Variants in LRMDA observed in about 807,000 individuals in gnomAD.
The protein encoded by LRMDA is leucine rich melanocyte differentiation associated.
LRMDA carries 18 observed loss-of-function variants against 29.8 expected under a neutral mutation model. The ratio of observed to expected loss-of-function variants is 0.60; its 90% CI spans 0.42 to 0.90. LRMDA has a LOEUF of 0.90. Among genes scored for constraint, LRMDA ranks in the 40% least tolerant of loss-of-function variants. LRMDA has a pLI of 0.00. For missense variants in LRMDA, 273 were observed against 273.9 expected, an observed-to-expected ratio of 1.00 and a Z score of 0.02; for synonymous variants, 125 against 109.4, an observed-to-expected ratio of 1.14 and a Z score of -0.89.
chr10:76,418,711 T>C (rs1200993805), intron 6 of LRMDA, among the ~76,000 whole-genome samples: 2 of 152,074 alleles, frequency 1.3e-5, no homozygotes, highest in Non-Finnish European at 1.5e-5. Flanking sequence ...CAGCTTTTAA[T>C]TTTATTATGT....
chr10:76,187,316 T>C (rs1333676162), intron 5 of LRMDA, among the ~76,000 whole-genome samples: 1 of 152,200 alleles, frequency 6.6e-6, no homozygotes, highest in Non-Finnish European at 1.5e-5. Context: ...TCAGATTCTT[T>C]AAAAAGAATC....
intron 2 of LRMDA, among the ~76,000 whole-genome samples, chr10:75,704,509 T>C (rs1276438369): frequency 1.3e-5 from 2 of 152,212 alleles, no homozygotes; most frequent in East Asian, 3.9e-4. Context: ...AGGACCATTA[T>C]CCACCTCCCC....
chr10:76,156,370 C>T (rs759103893), intron 5 of LRMDA, among the ~76,000 whole-genome samples: 17 of 152,168 alleles, frequency 1.1e-4, no homozygotes, highest in Non-Finnish European at 1.9e-4. Context: ...TGAAAAAAAC[C>T]GACTGTTTTC....
At chr10:75,946,143 C>T (rs1306810125) in intron 2 of LRMDA, among the ~76,000 whole-genome samples, 1 of 152,212 alleles carries the variant, frequency 6.6e-6, no homozygotes, top group Non-Finnish European at 1.5e-5. Flanking sequence ...CATTACTGGA[C>T]TGCTTTTTTC....
At chr10:76,256,304 A>C (rs1852592210) in intron 5 of LRMDA, among the ~76,000 whole-genome samples, 1 of 152,198 alleles carries the variant, frequency 6.6e-6, no homozygotes. Flanking sequence ...TTCTCTTTCT[A>C]GGAAACTTGG....
chr10:76,309,163 G>A (rs759241175), intron 5 of LRMDA, among the ~76,000 whole-genome samples: 23 of 152,310 alleles, frequency 1.5e-4, no homozygotes, highest in Non-Finnish European at 3.1e-4. Context: ...GAGGATATGG[G>A]AGGAAATGGG....
intron 5 of LRMDA, among the ~76,000 whole-genome samples, chr10:76,213,433 C>T (rs1226059011): frequency 6.6e-6 from 1 of 152,204 alleles, no homozygotes; most frequent in Non-Finnish European, 1.5e-5. Context: ...TCCTCAAATT[C>T]AAATGCATGA....
At chr10:76,437,113 A>C (rs541096377) in intron 6 of LRMDA, among the ~76,000 whole-genome samples, 6 of 152,230 alleles carry the variant, frequency 3.9e-5, no homozygotes, top group Non-Finnish European at 7.3e-5. Context: ...AGTCTAAAAA[A>C]ATAAATAAAT....
intron 1 of LRMDA, among the ~76,000 whole-genome samples, chr10:75,433,036 C>T (rs978730447): frequency 6.6e-6 from 1 of 152,176 alleles, no homozygotes; most frequent in African/African-American, 2.4e-5. Context: ...GAGTTAACAG[C>T]CTGCGGAGAG....
intron 5 of LRMDA, among the ~76,000 whole-genome samples, chr10:76,243,184 T>G (rs755716758): frequency 2.0e-5 from 3 of 152,202 alleles, no homozygotes; most frequent in Non-Finnish European, 4.4e-5. Context: ...TATTTATCAA[T>G]TCTTAATTGA....
intron 2 of LRMDA, among the ~76,000 whole-genome samples, chr10:75,878,433 C>A (rs571294533): frequency 5.0e-4 from 76 of 151,930 alleles, no homozygotes; most frequent in Admixed American, 8.5e-4. Context: ...AACAGCTGGA[C>A]TCTCCTCAGA....
chr10:76,424,578 C>T (rs184661295), intron 6 of LRMDA, among the ~76,000 whole-genome samples: 3 of 152,138 alleles, frequency 2.0e-5, no homozygotes, highest in Non-Finnish European at 4.4e-5. Context: ...AGGACCACAA[C>T]AGTAACAATA....
At chr10:76,458,688 C>T (rs1842482232) in intron 6 of LRMDA, among the ~76,000 whole-genome samples, 1 of 152,146 alleles carries the variant, frequency 6.6e-6, no homozygotes, top group African/African-American at 2.4e-5. Context: ...CAGGCCATTG[C>T]ACTGTTGTAT....
chr10:75,545,412 A>G (rs1175049999), intron 2 of LRMDA, among the ~76,000 whole-genome samples: 1 of 152,172 alleles, frequency 6.6e-6, no homozygotes, highest in Non-Finnish European at 1.5e-5. Context: ...TTGGATCAAG[A>G]TGATGGTTAT....
intron 6 of LRMDA, among the ~76,000 whole-genome samples, chr10:76,548,741 C>G (rs1346822981): frequency 2.0e-5 from 3 of 151,968 alleles, no homozygotes; most frequent in South Asian, 2.1e-4. Context: ...ACCCCCAATC[C>G]AAAAAAATAG....
chr10:76,130,616 A>G (rs1410042571), intron 5 of LRMDA, among the ~76,000 whole-genome samples: 4 of 152,204 alleles, frequency 2.6e-5, no homozygotes, highest in East Asian at 3.8e-4. Flanking sequence ...GACTATTGTG[A>G]TAATCTATCC....
At chr10:76,514,612 G>A (rs1024914607) in intron 6 of LRMDA, among the ~76,000 whole-genome samples, 1 of 152,112 alleles carries the variant, frequency 6.6e-6, no homozygotes, top group Non-Finnish European at 1.5e-5. Flanking sequence ...GTTCCCACAT[G>A]TGTGCCAATT....
At chr10:75,504,510 C>G (rs1845149702) in intron 2 of LRMDA, among the ~76,000 whole-genome samples, 1 of 152,032 alleles carries the variant, frequency 6.6e-6, no homozygotes, top group Non-Finnish European at 1.5e-5. Context: ...AAGGTTTGGC[C>G]AGTAACAAAT....
chr10:75,903,498 A>G (rs559416936), intron 2 of LRMDA, among the ~76,000 whole-genome samples: 1 of 152,378 alleles, frequency 6.6e-6, no homozygotes, highest in South Asian at 2.1e-4. Flanking sequence ...TATTGGATAA[A>G]TTACCACATT....
Sources: gnomAD v4.1 joint callset for allele counts (sites outside exome capture counted in the v4.1 genomes callset) on GRCh38, gnomAD v4.1.1 for gene constraint, MANE v1.5 for transcripts, NCBI Gene and HGNC (gene_info 2026-07-23, HGNC 2026-07-21) for gene names.